The following C2orf76 variants were observed in gnomAD, a reference collection of about 807,000 sequenced individuals.
The protein encoded by C2orf76 is UPF0538 protein C2orf76.
A neutral mutation model predicts 16.9 loss-of-function variants in C2orf76; 23 were observed. The observed-to-expected ratio is 1.36, with a 90% confidence interval of 0.98 to 1.93. The LOEUF (loss-of-function observed/expected upper bound fraction) is 1.93. Ranked by LOEUF, C2orf76 falls within the 30% of genes most tolerant of loss-of-function variation. The pLI is 0.00. For missense variants in C2orf76, 152 were observed against 152.6 expected (o/e 1.00, Z 0.02); for synonymous variants, 48 against 52.3 (o/e 0.92, Z 0.35).
At chr2:119,366,911 T>C, upstream of C2orf76, 2 of 1,100,734 alleles carry the variant, frequency 1.8e-6, no homozygotes, top group Admixed American at 2.2e-5. Context: ...TGGCTTCTGA[T>C]TGGCTTTCCG....
chr2:119,357,370 G>A (rs10170509), intron 1 of C2orf76, among the ~76,000 whole-genome samples: 88,181 of 151,864 alleles, frequency 0.58, 26,121 homozygotes, highest in African/African-American at 0.67. Context: ...CTGACCAAGT[G>A]GTTTTTTCCA....
chr2:119,365,606 T>A (rs60023832), intron 1 of C2orf76, among the ~76,000 whole-genome samples: 1 of 152,166 alleles, frequency 6.6e-6, no homozygotes. Flanking sequence ...CCAGCCCTCT[T>A]GCCACAAATT....
intron 2 of C2orf76, among the ~76,000 whole-genome samples, chr2:119,330,729 A>G (rs1679651694): frequency 6.6e-6 from 1 of 151,808 alleles, no homozygotes; most frequent in African/African-American, 2.4e-5. Flanking sequence ...ATACCTCCCC[A>G]CTGCTTTATT....
intron 5 of C2orf76, among the ~76,000 whole-genome samples, chr2:119,308,898 T>C (rs1678883369): frequency 6.6e-6 from 1 of 152,172 alleles, no homozygotes; most frequent in Non-Finnish European, 1.5e-5. Context: ...TCATATTCAT[T>C]CCCGACGGTG....
At chr2:119,359,074 C>T (rs1680660784) in intron 1 of C2orf76, among the ~76,000 whole-genome samples, 1 of 152,116 alleles carries the variant, frequency 6.6e-6, no homozygotes, top group South Asian at 2.1e-4. Flanking sequence ...TTGAAGCCAA[C>T]GCTCACTGAT....
chr2:119,298,194 C>T (rs1455498055), downstream of C2orf76, among the ~76,000 whole-genome samples: 1 of 152,146 alleles, frequency 6.6e-6, no homozygotes, highest in Non-Finnish European at 1.5e-5. Flanking sequence ...CCTTCTCTAC[C>T]CCAAGGTCAC....
the C2orf76 span, among the ~76,000 whole-genome samples, chr2:119,282,060 C>A: frequency 1.3e-5 from 2 of 151,822 alleles, no homozygotes; most frequent in Non-Finnish European, 2.9e-5. Flanking sequence ...GCAGGAGAAT[C>A]ACTTGAATCC....
chr2:119,288,213 G>A, the C2orf76 span, among the ~76,000 whole-genome samples: 1 of 148,004 alleles, frequency 6.8e-6, no homozygotes, highest in South Asian at 2.2e-4. Context: ...CTGGAGTGCA[G>A]TGACGCCATC....
chr2:119,288,959 G>C, the C2orf76 span, among the ~76,000 whole-genome samples: 7 of 152,050 alleles, frequency 4.6e-5, no homozygotes, highest in African/African-American at 1.7e-4. Context: ...CCTGACTCTC[G>C]AAGGCTTTCA....
intron 2 of C2orf76, among the ~76,000 whole-genome samples, chr2:119,338,233 G>A (rs1277627181): frequency 3.9e-5 from 6 of 152,118 alleles, no homozygotes; most frequent in Non-Finnish European, 7.3e-5. Flanking sequence ...GAAAGCTCTC[G>A]GCCCTCCGTT....
At chr2:119,343,098 T>C (rs1484343296) in intron 1 of C2orf76, among the ~76,000 whole-genome samples, 1 of 152,132 alleles carries the variant, frequency 6.6e-6, no homozygotes. Context: ...GCAAGTCACA[T>C]TAATTTGGCC....
chr2:119,301,359 T>A (rs545714067), downstream of C2orf76, among the ~76,000 whole-genome samples: 3 of 152,200 alleles, frequency 2.0e-5, no homozygotes, highest in African/African-American at 7.2e-5. Context: ...CTTCTAATCA[T>A]GTTAATCAGA....
intron 4 of C2orf76, among the ~76,000 whole-genome samples, chr2:119,313,426 A>G (rs1679061960): frequency 6.7e-6 from 1 of 150,090 alleles, no homozygotes; most frequent in South Asian, 2.1e-4. Flanking sequence ...GATCTCTACA[A>G]AAAAAAAAAG....
chr2:119,290,479 G>C, the C2orf76 span, among the ~76,000 whole-genome samples: 2 of 152,036 alleles, frequency 1.3e-5, no homozygotes, highest in Admixed American at 6.6e-5. Flanking sequence ...AGACTATAGA[G>C]GTAAAACTGA....
upstream of C2orf76, chr2:119,367,074 A>G (rs369988187): frequency 2.8e-5 from 45 of 1,613,826 alleles, 1 homozygote; most frequent in South Asian, 3.2e-4. Flanking sequence ...CAGCGCGTGC[A>G]CAGCCAGGCT....
chr2:119,290,380 G>A, the C2orf76 span, among the ~76,000 whole-genome samples: 22 of 152,006 alleles, frequency 1.4e-4, no homozygotes, highest in Non-Finnish European at 2.9e-4. Context: ...ATACAGGGAC[G>A]TTTTCCAAAG....
chr2:119,297,084 A>T, the C2orf76 span, among the ~76,000 whole-genome samples: 1 of 152,362 alleles, frequency 6.6e-6, no homozygotes, highest in Middle Eastern at 3.4e-3. Context: ...GTACCCGAAG[A>T]CATGTAATAA....
chr2:119,332,361 A>G (rs1475820605), intron 2 of C2orf76, among the ~76,000 whole-genome samples: 1 of 152,192 alleles, frequency 6.6e-6, no homozygotes, highest in Non-Finnish European at 1.5e-5. Context: ...AAAACTATGC[A>G]CCAACATTCA....
intron 2 of C2orf76, among the ~76,000 whole-genome samples, chr2:119,324,230 A>G (rs1407198925): frequency 1.2e-4 from 19 of 152,226 alleles, no homozygotes; most frequent in Admixed American, 1.2e-3. Context: ...CTTATGTTCA[A>G]TCCAGACTTC....
Sources: allele counts gnomAD v4.1 joint callset (sites outside exome capture counted in the v4.1 genomes callset), GRCh38; gene constraint gnomAD v4.1.1; transcripts MANE v1.5; gene names NCBI Gene and HGNC (gene_info 2026-07-23, HGNC 2026-07-21).